Variants in ENPP1 observed in about 807,000 individuals in gnomAD.
ENPP1 encodes ectonucleotide pyrophosphatase/phosphodiesterase 1.
In ENPP1, 73 loss-of-function variants were observed where a neutral mutation model predicts 122.8. The observed-to-expected ratio is 0.59, with a 90% CI of 0.49 to 0.72. The LOEUF (loss-of-function observed/expected upper bound fraction) is 0.72. ENPP1 is among the 30% of genes least tolerant of loss of function. The pLI is 0.00. For synonymous variants in ENPP1, 367 were observed against 391.6 expected (o/e 0.94, Z 0.74); for missense variants, 978 against 1,128.1 (o/e 0.87, Z 1.91).
At chr6:131,811,100 G>A (rs1209845641) in intron 1 of ENPP1, among the ~76,000 whole-genome samples, 1 of 152,108 alleles carries the variant, frequency 6.6e-6, no homozygotes, top group Non-Finnish European at 1.5e-5. Flanking sequence ...CCACCGAGAT[G>A]TGTTGACTTG....
At chr6:131,855,055 T>C (rs111465897) in intron 6 of ENPP1, 32 bp downstream of exon 6, 1 of 1,397,232 alleles carries the variant, frequency 7.2e-7, no homozygotes, top group East Asian at 2.3e-5. Context: ...TGCTGGAATA[T>C]CACCATTTCA....
At chr6:131,888,010 G>A (rs1445881651) in intron 24 of ENPP1, among the ~76,000 whole-genome samples, 2 of 151,372 alleles carry the variant, frequency 1.3e-5, no homozygotes, top group East Asian at 3.9e-4. Flanking sequence ...ACAGGCACCT[G>A]CCACCCATGC....
intron 1 of ENPP1, among the ~76,000 whole-genome samples, chr6:131,823,395 G>A (rs1781505748): frequency 6.6e-6 from 1 of 151,774 alleles, no homozygotes. Context: ...GAGATTGTAG[G>A]GCTCAGATAT....
rs1204795106 is a variant in ENPP1, at chr6:131,847,795, T to C, written c.260T>C (p.Leu87Ser). 6.8e-6 allele frequency: 11 copies of C among 1,611,396 alleles called. No individual in the cohort carries two copies. Among genetic ancestry groups the C allele is most frequent in the Non-Finnish European group, 9.3e-6 (11 of 1,178,848 alleles). Residue 87 changes from leucine to serine, a missense_variant, in exon 2 of 25, where the codon TTA (leucine) becomes TCA (serine). Leu to Ser is a moderately radical substitution (Grantham distance 145). This residue lies in a region of ENPP1 where 330 missense variants were observed against 328.5 expected (regional missense o/e 1.00). Coordinates refer to ENST00000647893, the MANE Select transcript of ENPP1 (RefSeq NM_006208.3). Reference sequence around the variant, plus strand: ...CTACAGGTATTGTCAGTATGTGTGTTAACAACAATACTTGGTTGTATATTT... The same window carrying C: ...CTACAGGTATTGTCAGTATGTGTGTCAACAACAATACTTGGTTGTATATTT... Reference protein sequence around the residue: ...VLSLVLSVCVLTTILGCIFGL... With the variant: ...VLSLVLSVCVSTTILGCIFGL...
chr6:131,819,364 A>G (rs1368636351), intron 1 of ENPP1, among the ~76,000 whole-genome samples: 1 of 152,238 alleles, frequency 6.6e-6, no homozygotes, highest in Non-Finnish European at 1.5e-5. Flanking sequence ...TTCTATCGAA[A>G]TGAATACAAT....
intron 1 of ENPP1, among the ~76,000 whole-genome samples, chr6:131,810,124 T>C (rs1781329735): frequency 6.6e-6 from 1 of 152,194 alleles, no homozygotes; most frequent in Admixed American, 6.5e-5. Flanking sequence ...TTTGGGAAGT[T>C]GAGGCGGTTC....
At position 131,808,355 on chromosome 6, in the gene ENPP1, G is replaced by T; in HGVS notation, c.240+80G>T. On this transcript the variant is annotated intron_variant, in intron 1 of 24. Transcript: ENST00000647893. ...GGCGCCGAGCTCCTGCGCTCTCAGC[G>T]CAGTCAGCACCGGGCACCGGAGAGA... is the stretch of plus-strand genomic sequence containing the variant. 5 of 1,394,436 alleles carry T rather than the reference G, an allele frequency of 3.6e-6. No homozygotes were observed. In the South Asian group the frequency reaches 6.3e-5, roughly 17 times the overall value. 86.4% of individuals were successfully genotyped at this position (1,394,436 alleles called of 1,614,324 possible).
intron 18 of ENPP1, 109 bp downstream of exon 18, chr6:131,877,270 G>T: frequency 9.5e-7 from 1 of 1,050,584 alleles, no homozygotes; most frequent in Non-Finnish European, 1.4e-6. Flanking sequence ...AGGAGTGGGG[G>T]TAGGTAAACA....
At chr6:131,819,308 A>G (rs1781455402) in intron 1 of ENPP1, among the ~76,000 whole-genome samples, 5 of 152,248 alleles carry the variant, frequency 3.3e-5, no homozygotes. Flanking sequence ...TTCTTTCAAA[A>G]GACAAATATA....
intron 7 of ENPP1, 112 bp from the exon 8 acceptor site, chr6:131,860,275 T>C (rs1782001106): frequency 3.5e-6 from 3 of 846,872 alleles, no homozygotes; most frequent in Admixed American, 2.6e-5. Context: ...CTTAAACTTA[T>C]TATAATTCCA....
intron 1 of ENPP1, among the ~76,000 whole-genome samples, chr6:131,818,058 G>A (rs914349547): frequency 3.3e-5 from 5 of 152,058 alleles, no homozygotes; most frequent in Non-Finnish European, 1.5e-5. Flanking sequence ...TGTGTTTCCC[G>A]ATCCCCCTCC....
At chr6:131,870,620 C>T (rs909722941) in intron 13 of ENPP1, among the ~76,000 whole-genome samples, 3 of 152,170 alleles carry the variant, frequency 2.0e-5, no homozygotes, top group African/African-American at 7.2e-5. Context: ...ATACTATTGA[C>T]TATTAATGAA....
chr6:131,849,338 G>A (rs548341685), intron 2 of ENPP1, among the ~76,000 whole-genome samples: 1 of 152,212 alleles, frequency 6.6e-6, no homozygotes, highest in East Asian at 1.9e-4. Flanking sequence ...TGAGGGGAAG[G>A]ACAAGGTTTT....
chr6:131,842,522 C>T (rs566758337), intron 1 of ENPP1, among the ~76,000 whole-genome samples: 1 of 152,026 alleles, frequency 6.6e-6, no homozygotes, highest in South Asian at 2.1e-4. Flanking sequence ...AATCTAAATA[C>T]ATTGCATCTT....
intron 1 of ENPP1, chr6:131,826,208 A>G (rs538293325): frequency 2.2e-6 from 2 of 916,856 alleles, no homozygotes; most frequent in Non-Finnish European, 3.7e-6. Context: ...AAAGGTAAAC[A>G]TTGCAGCTTT....
At chr6:131,867,927 CTTT>C (rs879176917) in intron 11 of ENPP1, 88 bp from the exon 12 acceptor site, 458 of 735,736 alleles carry the variant, frequency 6.2e-4, no homozygotes, top group Middle Eastern at 8.2e-4. Context: ...TTGTTTCTTT[CTTT>C]TTTTTTTTTT....
intron 24 of ENPP1, among the ~76,000 whole-genome samples, chr6:131,887,428 T>A (rs968120272): frequency 8.6e-5 from 13 of 151,972 alleles, no homozygotes; most frequent in Non-Finnish European, 1.6e-4. Flanking sequence ...AGTCTCACTT[T>A]GGCTCCCAGG....
intron 1 of ENPP1, among the ~76,000 whole-genome samples, chr6:131,808,586 G>A (rs1219119512): frequency 6.6e-6 from 1 of 152,228 alleles, no homozygotes; most frequent in East Asian, 1.9e-4. Flanking sequence ...CGGGTTTTTA[G>A]AGGAGAAAAA....
At chr6:131,879,809 A>G in intron 19 of ENPP1, 71 bp from the exon 20 acceptor site, 1 of 1,318,508 alleles carries the variant, frequency 7.6e-7, no homozygotes, top group South Asian at 1.2e-5. Flanking sequence ...AAAGGATTAG[A>G]TGAGTGTATC....
Sources: gnomAD v4.1 joint callset for allele counts (sites outside exome capture counted in the v4.1 genomes callset) on GRCh38, gnomAD v4.1.1 for gene constraint, gnomAD v4.1.1 regional missense constraint, MANE v1.5 for transcripts, NCBI Gene and HGNC (gene_info 2026-07-23, HGNC 2026-07-21) for gene names.